GRID2: variants seen among roughly 807,000 people sequenced by gnomAD.
GRID2 encodes glutamate ionotropic receptor delta type subunit 2.
GRID2 carries 33 observed loss-of-function variants against 114.8 expected under a neutral mutation model. The observed-to-expected ratio is 0.29, with a 90% CI of 0.22 to 0.38. The LOEUF (loss-of-function observed/expected upper bound fraction) is 0.38. Among genes scored for constraint, GRID2 ranks in the 10% least tolerant of loss-of-function variants. The probability of loss-of-function intolerance (pLI) is 1.00; values close to 1 mark genes in which losing one functional copy is unlikely to be tolerated. For missense variants in GRID2, 1,184 were observed against 1,257.7 expected (o/e 0.94, Z 0.89); for synonymous variants, 505 against 449.9 (o/e 1.12, Z -1.55).
chr4:92,368,782 T>A (rs1031576046), intron 1 of GRID2, among the ~76,000 whole-genome samples: 1 of 152,084 alleles, frequency 6.6e-6, no homozygotes, highest in Admixed American at 6.6e-5. Context: ...TTGAAGGGTG[T>A]TTAATATGAC....
intron 2 of GRID2, among the ~76,000 whole-genome samples, chr4:92,648,964 G>T (rs1303056503): frequency 1.5e-5 from 2 of 135,516 alleles, no homozygotes; most frequent in East Asian, 2.1e-4. Flanking sequence ...TGTAGAACTA[G>T]CTGATATAGA....
intron 14 of GRID2, among the ~76,000 whole-genome samples, chr4:93,717,384 T>G (rs1728988886): frequency 6.6e-6 from 1 of 150,670 alleles, no homozygotes; most frequent in Admixed American, 6.7e-5. Context: ...TTCTCCCTGA[T>G]GCCTGTATTG....
At chr4:92,617,139 G>A (rs745570191) in intron 2 of GRID2, among the ~76,000 whole-genome samples, 3 of 150,998 alleles carry the variant, frequency 2.0e-5, no homozygotes, top group Non-Finnish European at 4.4e-5. Context: ...CAGTGCTATA[G>A]TACACAAGAA....
At chr4:92,324,385 A>C (rs2110132048) in intron 1 of GRID2, among the ~76,000 whole-genome samples, 1 of 152,142 alleles carries the variant, frequency 6.6e-6, no homozygotes, top group South Asian at 2.1e-4. Context: ...TTCAGTGTCT[A>C]TCAGAAACAT....
chr4:92,483,585 G>T (rs951842830), intron 1 of GRID2, among the ~76,000 whole-genome samples: 1 of 152,078 alleles, frequency 6.6e-6, no homozygotes, highest in Non-Finnish European at 1.5e-5. Context: ...CCTGGGTCAG[G>T]AACACCAACC....
chr4:93,444,369 G>A (rs577717869), intron 10 of GRID2, among the ~76,000 whole-genome samples: 3 of 152,038 alleles, frequency 2.0e-5, no homozygotes, highest in East Asian at 1.9e-4. Context: ...GGAATAGCAC[G>A]TGGTTTCTGA....
downstream of GRID2, among the ~76,000 whole-genome samples, chr4:93,778,838 C>G (rs1050732729): frequency 6.6e-6 from 1 of 152,046 alleles, no homozygotes; most frequent in Admixed American, 6.5e-5. Context: ...ATACAAAACT[C>G]TATTCACACA....
At chr4:92,498,427 T>C (rs1472835298) in intron 1 of GRID2, among the ~76,000 whole-genome samples, 2 of 151,890 alleles carry the variant, frequency 1.3e-5, no homozygotes, top group African/African-American at 4.8e-5. Context: ...TATCTGTCAA[T>C]TAAAGGCATT....
chr4:93,431,406 A>G (rs1179591505), intron 10 of GRID2, among the ~76,000 whole-genome samples: 1 of 152,210 alleles, frequency 6.6e-6, no homozygotes, highest in Non-Finnish European at 1.5e-5. Context: ...TCACTTAAGA[A>G]TTGACAAAAT....
chr4:93,382,599 A>T (rs1050984101), intron 8 of GRID2, among the ~76,000 whole-genome samples: 1 of 151,674 alleles, frequency 6.6e-6, no homozygotes, highest in African/African-American at 2.4e-5. Flanking sequence ...CTATCTCTTT[A>T]TGGACGTTTA....
chr4:93,336,561 C>A (rs1579725688), intron 8 of GRID2, among the ~76,000 whole-genome samples: 1 of 152,192 alleles, frequency 6.6e-6, no homozygotes, highest in South Asian at 2.1e-4. Context: ...GGATAAATGC[C>A]TATAAGTGTA....
chr4:93,414,716 T>A (rs1404145139), intron 9 of GRID2, among the ~76,000 whole-genome samples: 4 of 150,694 alleles, frequency 2.7e-5, no homozygotes, highest in African/African-American at 9.7e-5. Flanking sequence ...TTTCCTTTTT[T>A]GTTTGTTGTC....
intron 1 of GRID2, among the ~76,000 whole-genome samples, chr4:93,797,042 G>T (rs1410704339): frequency 6.6e-6 from 1 of 152,148 alleles, no homozygotes; most frequent in African/African-American, 2.4e-5. Flanking sequence ...ATAGCCGATT[G>T]CTCTAGGCTA....
intron 4 of GRID2, among the ~76,000 whole-genome samples, chr4:93,142,360 C>A (rs1307806495): frequency 6.6e-6 from 1 of 152,114 alleles, no homozygotes; most frequent in African/African-American, 2.4e-5. Context: ...GCTAGGAGGT[C>A]CAAGATCAAG....
At chr4:93,089,697 A>C (rs1219791815) in intron 3 of GRID2, among the ~76,000 whole-genome samples, 1 of 152,126 alleles carries the variant, frequency 6.6e-6, no homozygotes, top group African/African-American at 2.4e-5. Context: ...AACTTTTGTG[A>C]TGTAATGCTG....
At chr4:92,939,939 A>T (rs1750974551) in intron 2 of GRID2, among the ~76,000 whole-genome samples, 2 of 147,164 alleles carry the variant, frequency 1.4e-5, no homozygotes, top group Admixed American at 7.3e-5. Flanking sequence ...CTGTTTTGGT[A>T]CCAGTACCAT....
intron 1 of GRID2, among the ~76,000 whole-genome samples, chr4:93,791,714 C>G (rs951569454): frequency 6.6e-6 from 1 of 152,124 alleles, no homozygotes; most frequent in Admixed American, 6.5e-5. Flanking sequence ...TCCAAATGCT[C>G]ACCAGGAAAG....
chr4:92,833,324 A>T (rs753537993), intron 2 of GRID2, among the ~76,000 whole-genome samples: 7 of 152,220 alleles, frequency 4.6e-5, no homozygotes, highest in Non-Finnish European at 1.0e-4. Context: ...CTAAAGTTAT[A>T]CAAGACTCTG....
chr4:93,296,693 T>C (rs112931674), intron 8 of GRID2, among the ~76,000 whole-genome samples: 1 of 152,210 alleles, frequency 6.6e-6, no homozygotes, highest in Non-Finnish European at 1.5e-5. Flanking sequence ...AAACCACTTA[T>C]GGTAGGTTAA....
Sources: gnomAD v4.1 joint callset for allele counts (sites outside exome capture counted in the v4.1 genomes callset) on GRCh38, gnomAD v4.1.1 for gene constraint, MANE v1.5 for transcripts, NCBI Gene and HGNC (gene_info 2026-07-23, HGNC 2026-07-21) for gene names.